PGAP4: variants seen among roughly 807,000 people sequenced by gnomAD.
PGAP4 encodes the protein post-GPI attachment to proteins GalNAc transferase 4.
Under a neutral mutation model 28.2 loss-of-function variants are expected in PGAP4, and 12 were observed. The observed-to-expected ratio is 0.42, with a 90% confidence interval of 0.27 to 0.69. PGAP4 has a LOEUF of 0.69. Among genes scored for constraint, PGAP4 ranks in the 30% least tolerant of loss-of-function variants. The pLI is 0.22. For missense variants in PGAP4, 425 were observed against 513.5 expected (o/e 0.83, Z 1.67); for synonymous variants, 205 against 211.8 (o/e 0.97, Z 0.28).
chr9:101,485,424 A>G (rs1315827421), intron 1 of PGAP4, among the ~76,000 whole-genome samples: 4 of 152,204 alleles, frequency 2.6e-5, no homozygotes, highest in Admixed American at 6.5e-5. Flanking sequence ...TGGAATTAGA[A>G]CTAGTAAAAA....
chr9:101,530,670 T>A (rs968024170), intron 2 of PGAP4, among the ~76,000 whole-genome samples: 15 of 152,230 alleles, frequency 9.9e-5, no homozygotes, highest in Non-Finnish European at 1.8e-4. Flanking sequence ...GCCATCCTCC[T>A]CTTCATCTAT....
intron 2 of PGAP4, among the ~76,000 whole-genome samples, chr9:101,517,663 G>A (rs185902806): frequency 2.6e-5 from 4 of 152,226 alleles, no homozygotes; most frequent in Non-Finnish European, 1.5e-5. Context: ...AGTAGGACAG[G>A]AGAGACTATA....
intron 2 of PGAP4, among the ~76,000 whole-genome samples, chr9:101,527,887 G>A (rs1467476800): frequency 1.3e-5 from 2 of 152,116 alleles, no homozygotes; most frequent in Non-Finnish European, 2.9e-5. Flanking sequence ...TTAGAATTTA[G>A]TGATCCATCT....
chr9:101,508,535 A>G (rs1826868736), intron 2 of PGAP4, among the ~76,000 whole-genome samples: 1 of 152,108 alleles, frequency 6.6e-6, no homozygotes, highest in Admixed American at 6.6e-5. Flanking sequence ...TTTCATGCCA[A>G]AACTATTACT....
intron 2 of PGAP4, among the ~76,000 whole-genome samples, chr9:101,529,694 A>C (rs1307893516): frequency 6.6e-6 from 1 of 152,174 alleles, no homozygotes; most frequent in Non-Finnish European, 1.5e-5. Flanking sequence ...AGAAGGAGGC[A>C]GGGGTATGGA....
chr9:101,528,867 G>A (rs1381664312), intron 2 of PGAP4, among the ~76,000 whole-genome samples: 5 of 149,846 alleles, frequency 3.3e-5, no homozygotes, highest in African/African-American at 1.2e-4. Flanking sequence ...ATGGGGGTTT[G>A]TTGTACAGAT....
chr9:101,494,069 CA>C (rs1445775299), intron 2 of PGAP4, among the ~76,000 whole-genome samples: 1 of 151,860 alleles, frequency 6.6e-6, no homozygotes, highest in Non-Finnish European at 1.5e-5. Flanking sequence ...GGAAGCCAAA[CA>C]AAGGCCAACT....
intron 2 of PGAP4, among the ~76,000 whole-genome samples, chr9:101,505,055 T>G (rs1177353644): frequency 6.6e-6 from 1 of 152,120 alleles, no homozygotes; most frequent in Non-Finnish European, 1.5e-5. Context: ...CTATGACATT[T>G]CCTCCTTAAG....
intron 2 of PGAP4, among the ~76,000 whole-genome samples, chr9:101,523,164 T>A (rs1215264890): frequency 1.4e-5 from 2 of 147,170 alleles, no homozygotes; most frequent in Non-Finnish European, 3.1e-5. Flanking sequence ...TAAGATTCTT[T>A]CCTTCGTCTT....
chr9:101,480,049 T>C (rs1045519819), intron 1 of PGAP4: 1 of 148,852 alleles, frequency 6.7e-6, no homozygotes, highest in Non-Finnish European at 1.5e-5. Context: ...GAAGATTCAA[T>C]AGAAAAAAAA....
At chr9:101,523,886 G>C (rs1205261237) in intron 2 of PGAP4, among the ~76,000 whole-genome samples, 3 of 151,690 alleles carry the variant, frequency 2.0e-5, no homozygotes, top group Non-Finnish European at 4.4e-5. Context: ...CAAGGTCTAG[G>C]GTGGAAGGCT....
At chr9:101,508,045 C>G (rs1010613555) in intron 2 of PGAP4, among the ~76,000 whole-genome samples, 1 of 151,816 alleles carries the variant, frequency 6.6e-6, no homozygotes, top group Non-Finnish European at 1.5e-5. Flanking sequence ...AACCACATGA[C>G]TGTAAAATGG....
chr9:101,512,004 G>A (rs564149142), intron 2 of PGAP4, among the ~76,000 whole-genome samples: 13 of 152,186 alleles, frequency 8.5e-5, no homozygotes, highest in South Asian at 4.1e-4. Flanking sequence ...GTAATAATGA[G>A]GACACTCTAA....
intron 2 of PGAP4, among the ~76,000 whole-genome samples, chr9:101,492,798 G>T (rs560351722): frequency 6.6e-6 from 1 of 152,134 alleles, no homozygotes; most frequent in African/African-American, 2.4e-5. Context: ...GAGAAATTAT[G>T]TTCAGATTCT....
intron 2 of PGAP4, among the ~76,000 whole-genome samples, chr9:101,512,635 G>T (rs1051740265): frequency 2.4e-4 from 36 of 152,038 alleles, no homozygotes; most frequent in African/African-American, 8.7e-4. Context: ...CTTGATTCAT[G>T]ATATGCTTTT....
chr9:101,498,859 CT>C (rs1042854039), intron 2 of PGAP4, among the ~76,000 whole-genome samples: 3 of 151,936 alleles, frequency 2.0e-5, no homozygotes, highest in Non-Finnish European at 2.9e-5. Flanking sequence ...AATTAGCTAT[CT>C]TGTGTCTACT....
intron 2 of PGAP4, among the ~76,000 whole-genome samples, chr9:101,520,448 A>C (rs892221115): frequency 6.6e-6 from 1 of 152,060 alleles, no homozygotes; most frequent in African/African-American, 2.4e-5. Flanking sequence ...TATATTTCTA[A>C]GTATTTTATT....
intron 2 of PGAP4, among the ~76,000 whole-genome samples, chr9:101,523,994 T>C (rs1827011260): frequency 1.3e-5 from 2 of 151,906 alleles, no homozygotes; most frequent in Non-Finnish European, 2.9e-5. Context: ...ACTGCAGTGA[T>C]TGTTATCTCT....
intron 2 of PGAP4, among the ~76,000 whole-genome samples, chr9:101,492,563 C>G (rs148773195): frequency 1.3e-5 from 2 of 152,230 alleles, no homozygotes; most frequent in South Asian, 4.1e-4. Context: ...TGTATTGTAG[C>G]AACTCTGAAT....
Sources: allele counts gnomAD v4.1 joint callset (sites outside exome capture counted in the v4.1 genomes callset), GRCh38; gene constraint gnomAD v4.1.1; transcripts MANE v1.5; gene names NCBI Gene and HGNC (gene_info 2026-07-23, HGNC 2026-07-21).